Variants in RBFOX1 observed in about 807,000 individuals in gnomAD.
RBFOX1 encodes RNA binding fox-1 homolog 1.
RBFOX1 carries 8 observed loss-of-function variants against 57.7 expected under a neutral mutation model. The ratio of observed to expected loss-of-function variants is 0.14; its 90% CI spans 0.08 to 0.25. RBFOX1 has a LOEUF of 0.25. RBFOX1 is among the 10% of genes least tolerant of loss of function. The pLI is 1.00. For synonymous variants in RBFOX1, 326 were observed against 222.4 expected (o/e 1.47, Z -4.15); for missense variants, 611 against 548.5 (o/e 1.11, Z -1.14).
intron 3 of RBFOX1, among the ~76,000 whole-genome samples, chr16:6,726,201 GTT>G (rs1458276220): frequency 6.6e-6 from 1 of 151,934 alleles, no homozygotes; most frequent in Admixed American, 6.6e-5. Context: ...GATCTCACCC[GTT>G]TGCTCTAGAA....
chr16:6,650,566 GA>G (rs2098579612), intron 2 of RBFOX1, among the ~76,000 whole-genome samples: 1 of 152,150 alleles, frequency 6.6e-6, no homozygotes, highest in African/African-American at 2.4e-5. Context: ...GAGACAGTAC[GA>G]AAAACACCAA....
At chr16:5,402,262 C>T (rs1429503637) in intron 1 of RBFOX1, among the ~76,000 whole-genome samples, 1 of 152,158 alleles carries the variant, frequency 6.6e-6, no homozygotes, top group Non-Finnish European at 1.5e-5. Context: ...AGGATAAATA[C>T]CCAGAGCTCT....
At chr16:5,702,487 G>C (rs897464088) in intron 3 of RBFOX1, among the ~76,000 whole-genome samples, 1 of 152,188 alleles carries the variant, frequency 6.6e-6, no homozygotes, top group African/African-American at 2.4e-5. Context: ...CAATTAGCTA[G>C]GCCAGCGAGG....
chr16:6,166,804 C>T (rs2096921056), intron 1 of RBFOX1, among the ~76,000 whole-genome samples: 1 of 152,066 alleles, frequency 6.6e-6, no homozygotes, highest in Non-Finnish European at 1.5e-5. Context: ...GATGGAGTCT[C>T]ACTCTGTTGC....
At position 7,420,384 on chromosome 16, in the gene RBFOX1, A is replaced by G. The variant is rs181305478; in HGVS notation, c.28-97763A>G. Among the ~76,000 whole-genome samples the G allele has an allele frequency of 2.9e-4, 44 of 152,316 alleles. 1 individual carries two copies. Among genetic ancestry groups the G allele is most frequent in the Non-Finnish European group, 4.3e-4 (29 of 68,018 alleles). On this transcript the variant is annotated intron_variant, in intron 4 of 15. Coordinates refer to ENST00000550418, the MANE Select transcript of RBFOX1 (RefSeq NM_018723.4). ...AATACTGGTTCAAAGAGATTGAGGT[A>G]TAAGAAGGAGGTTGGTAGTTACAGC...
chr16:6,606,246 C>G (rs548209888), intron 2 of RBFOX1, among the ~76,000 whole-genome samples: 2 of 152,042 alleles, frequency 1.3e-5, no homozygotes, highest in African/African-American at 2.4e-5. Flanking sequence ...GTACTACTGC[C>G]TTTGATATTT....
chr16:7,429,608 A>G (rs1180067807), intron 4 of RBFOX1, among the ~76,000 whole-genome samples: 4 of 152,202 alleles, frequency 2.6e-5, no homozygotes, highest in Non-Finnish European at 5.9e-5. Context: ...TGAGCAGAAA[A>G]TAGTCGTCAG....
chr16:6,801,223 G>T (rs1320003006), intron 3 of RBFOX1, among the ~76,000 whole-genome samples: 1 of 148,924 alleles, frequency 6.7e-6, no homozygotes, highest in Non-Finnish European at 1.5e-5. Flanking sequence ...AAAAAGTAAC[G>T]TTACATATCA....
chr16:7,574,317 G>A (rs1052381742), intron 5 of RBFOX1, among the ~76,000 whole-genome samples: 1 of 152,192 alleles, frequency 6.6e-6, no homozygotes, highest in Non-Finnish European at 1.5e-5. Context: ...TCTCTAGAGG[G>A]AAAGAACTAA....
At chr16:6,314,224 G>C (rs12919920) in intron 1 of RBFOX1, among the ~76,000 whole-genome samples, 48,188 of 151,874 alleles carry the variant, frequency 0.32, 8,058 homozygotes, top group Middle Eastern at 0.41. Flanking sequence ...AGAATCACTT[G>C]TTAGGCTACC....
chr16:6,585,958 A>C (rs1420067), intron 2 of RBFOX1, among the ~76,000 whole-genome samples: 73,836 of 152,088 alleles, frequency 0.49, 18,875 homozygotes, highest in East Asian at 0.72. Flanking sequence ...ATACCTTTAA[A>C]CAACAGTTTT....
At chr16:6,858,208 G>A (rs866229450) in intron 3 of RBFOX1, among the ~76,000 whole-genome samples, 4 of 152,118 alleles carry the variant, frequency 2.6e-5, no homozygotes, top group Admixed American at 6.5e-5. Flanking sequence ...AAGTGTTGTT[G>A]GTAAACGAAG....
At chr16:6,897,690 G>C (rs932017343) in intron 3 of RBFOX1, among the ~76,000 whole-genome samples, 1 of 152,152 alleles carries the variant, frequency 6.6e-6, no homozygotes, top group Non-Finnish European at 1.5e-5. Flanking sequence ...CCAGTTGGGA[G>C]CCTGAGGCAG....
chr16:6,667,516 C>T (rs1425243775), intron 3 of RBFOX1, among the ~76,000 whole-genome samples: 3 of 151,996 alleles, frequency 2.0e-5, no homozygotes, highest in Non-Finnish European at 2.9e-5. Flanking sequence ...TTTCTGGGGT[C>T]ACTATGGGAC....
intron 2 of RBFOX1, among the ~76,000 whole-genome samples, chr16:6,647,561 C>T (rs12930520): frequency 0.24 from 36,155 of 152,060 alleles, 4,577 homozygotes; most frequent in African/African-American, 0.33. Context: ...GGCAGTCATT[C>T]TTAGGACCTC....
intron 2 of RBFOX1, among the ~76,000 whole-genome samples, chr16:5,467,539 A>T (rs2068991619): frequency 6.6e-6 from 1 of 152,138 alleles, no homozygotes; most frequent in South Asian, 2.1e-4. Flanking sequence ...TCTTATTGGG[A>T]ACAATGAGGG....
At position 7,637,576 on chromosome 16, in the gene RBFOX1, C is replaced by T. The variant is rs570832324; in HGVS notation, c.757+6893C>T. 3.3e-5 allele frequency among the ~76,000 whole-genome samples: 5 copies of T among 152,274 alleles called. No individual in the cohort carries two copies. In the South Asian group the frequency reaches 8.3e-4, roughly 25 times the overall value. On this transcript the variant is annotated intron_variant, in intron 11 of 15. Transcript: ENST00000550418. Reference sequence around the variant, plus strand: ...TAAAGTAAGGACCTAAATTAATTTACGGCTTCCTTTTTCTTCTGCACAATA... The same window carrying T: ...TAAAGTAAGGACCTAAATTAATTTATGGCTTCCTTTTTCTTCTGCACAATA...
In RBFOX1 at chr16:5,439,036, G is replaced by C. The variant is rs1004026976; in HGVS notation, c.220-28180G>C. Among the ~76,000 whole-genome samples the C allele has an allele frequency of 2.5e-4, 37 of 150,218 alleles. No homozygotes were observed. The East Asian group carries it at 5.2e-3, about 21-fold the overall frequency. The stretch of plus-strand genomic sequence containing the variant: ...GAATGATGTGGTAGAGAATAATGGG[G>C]GGGGGGGCATAGTGATTTTGTTTTG... On this transcript the variant is annotated intron_variant, in intron 1 of 2. Transcript: ENST00000585867.
chr16:5,724,818 A>G (rs1263150828), intron 3 of RBFOX1, among the ~76,000 whole-genome samples: 1 of 152,166 alleles, frequency 6.6e-6, no homozygotes, highest in Admixed American at 6.5e-5. Flanking sequence ...CCAGCCCACT[A>G]ACATAGATGG....
Sources: allele counts gnomAD v4.1 joint callset (sites outside exome capture counted in the v4.1 genomes callset), GRCh38; gene constraint gnomAD v4.1.1; transcripts MANE v1.5; gene names NCBI Gene and HGNC (gene_info 2026-07-23, HGNC 2026-07-21).